Variants in AP4E1 observed in about 807,000 individuals in gnomAD.
The protein encoded by AP4E1 is adaptor related protein complex 4 subunit epsilon 1.
A neutral mutation model predicts 128.2 loss-of-function variants in AP4E1; 56 were observed. The observed-to-expected ratio is 0.44, with a 90% CI of 0.35 to 0.55. AP4E1 has a LOEUF of 0.55. Among genes scored for constraint, AP4E1 ranks in the 20% least tolerant of loss-of-function variants. The probability of loss-of-function intolerance (pLI) is 0.00; values close to 1 mark genes in which losing one functional copy is unlikely to be tolerated. For synonymous variants in AP4E1, 484 were observed against 473.1 expected (o/e 1.02, Z -0.30); for missense variants, 1,324 against 1,307.7 (o/e 1.01, Z -0.19).
At chr15:50,970,481 A>G (rs1417591945) in intron 15 of AP4E1, among the ~76,000 whole-genome samples, 4 of 152,158 alleles carry the variant, frequency 2.6e-5, no homozygotes, top group Non-Finnish European at 5.9e-5. Context: ...GCCCCCAACT[A>G]TTACTGAATC....
intron 17 of AP4E1, among the ~76,000 whole-genome samples, chr15:50,995,884 C>G (rs2140932098): frequency 7.1e-6 from 1 of 139,862 alleles, no homozygotes; most frequent in South Asian, 2.3e-4. Flanking sequence ...GAAACATAGA[C>G]CAAAAAAAAA....
intron 7 of AP4E1, among the ~76,000 whole-genome samples, chr15:50,932,146 AT>A (rs2063843903): frequency 6.6e-6 from 1 of 151,862 alleles, no homozygotes; most frequent in African/African-American, 2.4e-5. Flanking sequence ...TGCCCGGCTA[AT>A]TTTTGTATTT....
In AP4E1 at chr15:50,999,075, A is replaced by G. The variant is rs1210588876; in HGVS notation, c.2908A>G (p.Thr970Ala). 2 of 1,613,980 alleles carry G rather than the reference A, an allele frequency of 1.2e-6. No homozygotes were observed. Among genetic ancestry groups the G allele is most frequent in the Non-Finnish European group, 1.7e-6 (2 of 1,179,920 alleles). The change falls in exon 19 of 21, where the codon ACT (threonine) becomes GCT (alanine). Residue 970 changes from threonine to alanine, a missense_variant. Transcript: ENST00000261842. ...CTTTTATTACTTCTATTTGCAGGTG[A>G]CTGAGCAACCTGGATGCTGTTTGCC... ...EIFPAENFKV[T>A]EQPGCCLPVM...
chr15:50,935,483 G>A (rs1026568454), intron 8 of AP4E1, among the ~76,000 whole-genome samples: 2 of 152,068 alleles, frequency 1.3e-5, no homozygotes, highest in African/African-American at 2.4e-5. Context: ...AACAGCCAAC[G>A]GGAGGAGCTG....
chr15:50,963,919 G>A (rs76214747), intron 14 of AP4E1, among the ~76,000 whole-genome samples: 2,228 of 152,290 alleles, frequency 0.015, 69 homozygotes, highest in African/African-American at 0.052. Flanking sequence ...CTTCACTGCA[G>A]TTTTCCAGAA....
chr15:50,909,041 G>T, intron 1 of AP4E1, 113 bp downstream of exon 1: 4 of 1,491,674 alleles, frequency 2.7e-6, no homozygotes, highest in Non-Finnish European at 1.8e-6. Context: ...CTCCGGCGGG[G>T]CTCAGGGGCT....
intron 7 of AP4E1, among the ~76,000 whole-genome samples, chr15:50,934,312 A>G (rs896698790): frequency 2.6e-5 from 4 of 152,118 alleles, no homozygotes; most frequent in Admixed American, 6.5e-5. Flanking sequence ...GAAATATTCT[A>G]TTGAAAGAAA....
intron 15 of AP4E1, among the ~76,000 whole-genome samples, chr15:50,980,621 G>T (rs1013845227): frequency 7.2e-5 from 11 of 152,254 alleles, no homozygotes; most frequent in African/African-American, 2.4e-4. Context: ...GACACTAAAG[G>T]CATTTCAGAG....
At chr15:50,959,426 T>G (rs535540536) in intron 14 of AP4E1, among the ~76,000 whole-genome samples, 1 of 152,076 alleles carries the variant, frequency 6.6e-6, no homozygotes, top group East Asian at 1.9e-4. Flanking sequence ...ATACTCAAAG[T>G]GCTGGAAAAA....
chr15:50,968,576 T>C (rs1362159683), intron 15 of AP4E1, among the ~76,000 whole-genome samples, 199 bp downstream of exon 15: 2 of 152,266 alleles, frequency 1.3e-5, no homozygotes, highest in Non-Finnish European at 2.9e-5. Flanking sequence ...GCTAAAGACA[T>C]AGGCTCTCTA....
chr15:50,922,018 ATC>A (rs530129605), intron 3 of AP4E1, among the ~76,000 whole-genome samples: 73 of 151,976 alleles, frequency 4.8e-4, no homozygotes, highest in African/African-American at 1.7e-3. Flanking sequence ...TGATAAGACA[ATC>A]TCTGCTTTAA....
intron 8 of AP4E1, among the ~76,000 whole-genome samples, chr15:50,937,437 T>G (rs2063922087): frequency 6.6e-6 from 1 of 152,230 alleles, no homozygotes; most frequent in African/African-American, 2.4e-5. Context: ...CTATTGAATA[T>G]CTGCTATGTG....
chr15:50,909,272 T>G (rs1270683188), intron 1 of AP4E1, among the ~76,000 whole-genome samples: 1 of 152,248 alleles, frequency 6.6e-6, no homozygotes, highest in Admixed American at 6.5e-5. Flanking sequence ...TTGGGTGAGA[T>G]GTCAAGCGTG....
chr15:50,978,033 A>T (rs934657553), intron 15 of AP4E1, among the ~76,000 whole-genome samples: 1 of 152,174 alleles, frequency 6.6e-6, no homozygotes, highest in Non-Finnish European at 1.5e-5. Context: ...CTGATTTCAG[A>T]TTTCTGTAAT....
intron 17 of AP4E1, among the ~76,000 whole-genome samples, chr15:50,993,854 C>T (rs1361924977): frequency 6.6e-6 from 1 of 152,180 alleles, no homozygotes; most frequent in Non-Finnish European, 1.5e-5. Flanking sequence ...CTCTGTAGCC[C>T]AGTCAGTGGA....
intron 2 of AP4E1, among the ~76,000 whole-genome samples, chr15:50,915,138 A>G (rs2063613973): frequency 6.6e-6 from 1 of 152,228 alleles, no homozygotes. Flanking sequence ...TCTTGTGTGA[A>G]GACCCCATGT....
intron 5 of AP4E1, among the ~76,000 whole-genome samples, chr15:50,927,455 C>A (rs2063782146): frequency 1.3e-5 from 2 of 151,632 alleles, no homozygotes; most frequent in Non-Finnish European, 2.9e-5. Flanking sequence ...ATCTAGGTCT[C>A]TCGTCTTATG....
chr15:50,972,420 C>G (rs1002302509), intron 15 of AP4E1, among the ~76,000 whole-genome samples: 3 of 152,140 alleles, frequency 2.0e-5, no homozygotes, highest in Non-Finnish European at 2.9e-5. Context: ...CCATGTTGGT[C>G]AGGCTGGTCT....
chr15:50,927,258 G>C (rs1363292384), intron 5 of AP4E1, among the ~76,000 whole-genome samples: 1 of 152,098 alleles, frequency 6.6e-6, no homozygotes, highest in Non-Finnish European at 1.5e-5. Flanking sequence ...CTAGAGTTTA[G>C]ACTTTTTGAA....
Sources: gnomAD v4.1 joint callset for allele counts (sites outside exome capture counted in the v4.1 genomes callset) on GRCh38, gnomAD v4.1.1 for gene constraint, MANE v1.5 for transcripts, NCBI Gene and HGNC (gene_info 2026-07-23, HGNC 2026-07-21) for gene names.